The following ANO3 variants were observed in gnomAD, a reference collection of about 807,000 sequenced individuals.
ANO3 encodes the protein anoctamin 3.
ANO3 carries 99 observed loss-of-function variants against 144.8 expected under a neutral mutation model. The ratio of observed to expected loss-of-function variants is 0.68; its 90% CI spans 0.58 to 0.81. The LOEUF (loss-of-function observed/expected upper bound fraction) is 0.81. Ranked by LOEUF, ANO3 falls within the 30% of genes least tolerant of loss-of-function variation. ANO3 has a pLI of 0.00. For synonymous variants in ANO3, 414 were observed against 392.6 expected, an observed-to-expected ratio of 1.05 and a Z score of -0.64; for missense variants, 905 against 1,202.2, an observed-to-expected ratio of 0.75 and a Z score of 3.66.
At chr11:26,406,767 A>G (rs139663880) in intron 1 of ANO3, among the ~76,000 whole-genome samples, 144 of 146,646 alleles carry the variant, frequency 9.8e-4, no homozygotes, top group African/African-American at 3.1e-3. Flanking sequence ...GATGATCTGT[A>G]TTGCCAATTT....
At chr11:26,517,629 G>C (rs1280345736) in intron 6 of ANO3, among the ~76,000 whole-genome samples, 1 of 151,986 alleles carries the variant, frequency 6.6e-6, no homozygotes, top group African/African-American at 2.4e-5. Context: ...TGCTTCCTCA[G>C]TTGCTATGGT....
chr11:26,493,843 C>T lies in ANO3; in HGVS notation c.433-14261C>T, dbSNP rs146566618. ...GCCCTAGGGACTGCCACCTGACACCCTCTGAGGATTTCCTTCTTCTCTTTC... is the reference window on the plus strand; with the variant it reads ...GCCCTAGGGACTGCCACCTGACACCTTCTGAGGATTTCCTTCTTCTCTTTC... On this transcript the variant is annotated intron_variant, in intron 4 of 26. Transcript: ENST00000256737. 9.7e-3 allele frequency among the ~76,000 whole-genome samples: 1,479 copies of T among 152,270 alleles called. 57 individuals carry two copies. Among genetic ancestry groups the T allele is most frequent in the Admixed American group, 0.066 (1,008 of 15,292 alleles).
intron 1 of ANO3, among the ~76,000 whole-genome samples, chr11:26,299,615 G>C (rs1734477659): frequency 6.6e-6 from 1 of 152,044 alleles, no homozygotes; most frequent in African/African-American, 2.4e-5. Flanking sequence ...ACTAGAGTGG[G>C]GAGGCGGAGA....
chr11:26,559,208 T>G (rs935150819), intron 13 of ANO3: 1 of 152,460 alleles, frequency 6.6e-6, no homozygotes, highest in Admixed American at 6.5e-5. Flanking sequence ...AGATGGGATT[T>G]ATTACATCTT....
intron 18 of ANO3, among the ~76,000 whole-genome samples, chr11:26,627,813 TA>T (rs1852635443): frequency 1.0e-5 from 1 of 95,450 alleles, no homozygotes; most frequent in East Asian, 3.9e-4. Flanking sequence ...TAATAGAATC[TA>T]GTGTGTGTGT....
At chr11:26,450,139 C>T (rs1234429240) in intron 3 of ANO3, among the ~76,000 whole-genome samples, 2 of 152,146 alleles carry the variant, frequency 1.3e-5, no homozygotes, top group Non-Finnish European at 2.9e-5. Context: ...TCTATTATAG[C>T]ACTTTGGATG....
At chr11:26,443,974 C>G in intron 3 of ANO3, 138 bp downstream of exon 3, 1 of 486,750 alleles carries the variant, frequency 2.1e-6, no homozygotes, top group Non-Finnish European at 3.6e-6. Context: ...GTATAATATT[C>G]TGAGGTTAAG....
chr11:26,534,615 A>G, intron 9 of ANO3, 53 bp downstream of exon 9: 2 of 1,289,928 alleles, frequency 1.6e-6, no homozygotes, highest in South Asian at 1.2e-5. Flanking sequence ...ATTTATACCC[A>G]GAATTATTGT....
At chr11:26,194,319 A>G (rs966481960) in intron 1 of ANO3, among the ~76,000 whole-genome samples, 6 of 152,260 alleles carry the variant, frequency 3.9e-5, no homozygotes, top group Admixed American at 3.9e-4. Flanking sequence ...AGGAGCATTT[A>G]TGTTACTGAT....
At chr11:26,462,976 G>GA in intron 3 of ANO3, 54 bp from the exon 4 acceptor site, 3 of 941,926 alleles carry the variant, frequency 3.2e-6, no homozygotes, top group Non-Finnish European at 4.7e-6. Flanking sequence ...TATGTTTAAT[G>GA]AAAAAAGAGA....
At chr11:26,428,910 CA>C (rs1166122407) in intron 1 of ANO3, among the ~76,000 whole-genome samples, 3 of 152,066 alleles carry the variant, frequency 2.0e-5, no homozygotes, top group Non-Finnish European at 4.4e-5. Context: ...ATAGGAACAG[CA>C]GACATAAAGA....
chr11:26,559,590 A>C, intron 13 of ANO3, 129 bp from the exon 14 acceptor site: 1 of 665,518 alleles, frequency 1.5e-6, no homozygotes, highest in Non-Finnish European at 2.6e-6. Flanking sequence ...ATTCATATAT[A>C]ATATTTCTGT....
intron 14 of ANO3, among the ~76,000 whole-genome samples, chr11:26,593,846 G>A (rs1382687760): frequency 1.3e-5 from 2 of 152,144 alleles, no homozygotes; most frequent in Non-Finnish European, 2.9e-5. Context: ...GACTAAAGCG[G>A]TGGCCTTCTT....
intron 4 of ANO3, among the ~76,000 whole-genome samples, chr11:26,493,469 G>A (rs1860797519): frequency 6.6e-6 from 1 of 152,066 alleles, no homozygotes; most frequent in Non-Finnish European, 1.5e-5. Context: ...CCTTGTGTTT[G>A]GCCTCCAAAT....
intron 18 of ANO3, among the ~76,000 whole-genome samples, chr11:26,627,812 C>CGTGTGTGTGTGTG (rs1852634976): frequency 1.0e-5 from 1 of 99,874 alleles, no homozygotes; most frequent in Admixed American, 1.3e-4. Context: ...ATAATAGAAT[C>CGTGTGTGTGTGTG]TAGTGTGTGT....
chr11:26,341,681 T>C (rs556689244), intron 1 of ANO3, among the ~76,000 whole-genome samples: 104 of 152,276 alleles, frequency 6.8e-4, no homozygotes, highest in African/African-American at 2.5e-3. Context: ...ATAGGCCGTC[T>C]GCAAGTTGCA....
chr11:26,433,423 A>G (rs1250971917), intron 1 of ANO3, among the ~76,000 whole-genome samples: 6 of 152,066 alleles, frequency 3.9e-5, no homozygotes, highest in Non-Finnish European at 8.8e-5. Flanking sequence ...AGGACTTCCA[A>G]TACTATGTTG....
chr11:26,387,571 T>C (rs1296111798), intron 1 of ANO3, among the ~76,000 whole-genome samples: 1 of 152,192 alleles, frequency 6.6e-6, no homozygotes, highest in Non-Finnish European at 1.5e-5. Flanking sequence ...TATATTTTTC[T>C]TTTAAAACTT....
At chr11:26,460,302 G>A (rs1859339880) in intron 3 of ANO3, among the ~76,000 whole-genome samples, 1 of 151,464 alleles carries the variant, frequency 6.6e-6, no homozygotes, top group African/African-American at 2.4e-5. Context: ...AGAGGTATAT[G>A]TGCACGTTTG....
Sources: gnomAD v4.1 joint callset for allele counts (sites outside exome capture counted in the v4.1 genomes callset) on GRCh38, gnomAD v4.1.1 for gene constraint, MANE v1.5 for transcripts, NCBI Gene and HGNC (gene_info 2026-07-23, HGNC 2026-07-21) for gene names.